CHST9: variants seen among roughly 807,000 people sequenced by gnomAD.
The protein encoded by CHST9 is carbohydrate sulfotransferase 9.
CHST9 carries 41 observed loss-of-function variants against 44.4 expected under a neutral mutation model. That is an observed-to-expected ratio of 0.92 (90% CI 0.72 to 1.20). CHST9 has a LOEUF of 1.20. Ranked by LOEUF, CHST9 falls within the 50% of genes most tolerant of loss-of-function variation. The probability of loss-of-function intolerance (pLI) is 0.00; values close to 1 mark genes in which losing one functional copy is unlikely to be tolerated. For missense variants in CHST9, 504 were observed against 516.5 expected (o/e 0.98, Z 0.23); for synonymous variants, 171 against 178.4 (o/e 0.96, Z 0.33).
At chr18:27,153,519 T>A (rs986393219) in intron 1 of CHST9, among the ~76,000 whole-genome samples, 3 of 148,158 alleles carry the variant, frequency 2.0e-5, no homozygotes, top group Admixed American at 6.9e-5. Context: ...TCTGTCTCTC[T>A]CTGTCTTTCT....
chr18:27,094,792 C>T (rs1366401368), intron 2 of CHST9, among the ~76,000 whole-genome samples: 2 of 152,138 alleles, frequency 1.3e-5, no homozygotes, highest in Non-Finnish European at 2.9e-5. Flanking sequence ...TGTGGCTCTG[C>T]GAGTTCAGGT....
intron 4 of CHST9, among the ~76,000 whole-genome samples, chr18:27,006,479 G>A (rs2145236217): frequency 6.6e-6 from 1 of 152,188 alleles, no homozygotes; most frequent in African/African-American, 2.4e-5. Context: ...TTATTATAAT[G>A]CTGTTTGGCC....
chr18:27,054,525 AC>A (rs769818957), intron 2 of CHST9, among the ~76,000 whole-genome samples: 4 of 152,166 alleles, frequency 2.6e-5, no homozygotes, highest in Non-Finnish European at 5.9e-5. Flanking sequence ...GCATCTCATG[AC>A]TATTTATCTA....
chr18:27,025,708 G>C (rs1228441325), intron 3 of CHST9, among the ~76,000 whole-genome samples: 2 of 152,058 alleles, frequency 1.3e-5, no homozygotes, highest in African/African-American at 4.8e-5. Context: ...ATCCCCAGGG[G>C]CTGGACCTGG....
At chr18:27,155,681 C>T (rs1237030671) in intron 1 of CHST9, among the ~76,000 whole-genome samples, 1 of 152,122 alleles carries the variant, frequency 6.6e-6, no homozygotes, top group Non-Finnish European at 1.5e-5. Flanking sequence ...TAAATATACA[C>T]AATTCCTTCA....
chr18:27,135,340 A>G (rs1210311313), intron 2 of CHST9, among the ~76,000 whole-genome samples: 2 of 152,110 alleles, frequency 1.3e-5, no homozygotes, highest in Non-Finnish European at 2.9e-5. Flanking sequence ...TACTGCAGTA[A>G]TATTTTCTGG....
At chr18:27,145,078 T>C (rs1022076477) in intron 1 of CHST9, among the ~76,000 whole-genome samples, 2 of 152,178 alleles carry the variant, frequency 1.3e-5, no homozygotes, top group South Asian at 2.1e-4. Context: ...ATTAAGTAAT[T>C]AGAATGATTT....
chr18:27,179,126 T>C (rs557123317), intron 1 of CHST9, among the ~76,000 whole-genome samples: 4 of 151,588 alleles, frequency 2.6e-5, no homozygotes, highest in Non-Finnish European at 5.9e-5. Flanking sequence ...ATATGAAAAC[T>C]TTCAGTGCTT....
intron 2 of CHST9, among the ~76,000 whole-genome samples, chr18:27,092,615 A>C (rs1359473156): frequency 6.6e-6 from 1 of 152,132 alleles, no homozygotes; most frequent in African/African-American, 2.4e-5. Flanking sequence ...ACACTGCTTT[A>C]AATGTGTCCC....
chr18:26,984,726 A>G (rs1306467061), intron 4 of CHST9, among the ~76,000 whole-genome samples: 1 of 149,374 alleles, frequency 6.7e-6, no homozygotes, highest in Admixed American at 6.6e-5. Context: ...GATTACCAAA[A>G]GACAAAAAAA....
At chr18:27,112,055 TATAC>T (rs1375540384) in intron 2 of CHST9, among the ~76,000 whole-genome samples, 4 of 150,294 alleles carry the variant, frequency 2.7e-5, no homozygotes, top group Non-Finnish European at 4.4e-5. Context: ...TTTCTAAAAA[TATAC>T]ATATAGATAT....
intron 2 of CHST9, among the ~76,000 whole-genome samples, chr18:27,086,605 G>A (rs1278762380): frequency 6.6e-6 from 1 of 152,176 alleles, no homozygotes; most frequent in East Asian, 1.9e-4. Flanking sequence ...TTAAGTAGCA[G>A]AACTAGGACT....
Position 27,135,734 on chromosome 18 carries a change from C to A in CHST9, c.121+6955G>T, listed in dbSNP as rs181958492. Among the ~76,000 whole-genome samples the A allele has an allele frequency of 2.2e-4, 33 of 152,298 alleles. No homozygotes were observed. In the East Asian group the frequency reaches 5.0e-3, roughly 23 times the overall value. ...AAAATCAACATGTCAGGGTGTGGACCAAGGCACGTGTTCCTTAAAACGTCT... is the reference window on the plus strand; with the variant it reads ...AAAATCAACATGTCAGGGTGTGGACAAAGGCACGTGTTCCTTAAAACGTCT... On this transcript the variant is annotated intron_variant, in intron 2 of 5. Transcript: ENST00000618847.
intron 5 of CHST9, chr18:26,935,504 T>A (rs1159810927): frequency 1.3e-5 from 2 of 152,230 alleles, no homozygotes; most frequent in African/African-American, 4.8e-5. Flanking sequence ...AAATCTATTT[T>A]GTTTATGGTC....
At chr18:27,106,415 T>C (rs995955837) in intron 2 of CHST9, among the ~76,000 whole-genome samples, 1 of 152,178 alleles carries the variant, frequency 6.6e-6, no homozygotes, top group East Asian at 1.9e-4. Context: ...ATTATTGGAG[T>C]TGGATAAATT....
intron 3 of CHST9, among the ~76,000 whole-genome samples, chr18:27,033,487 C>A (rs1339263322): frequency 1.3e-5 from 2 of 152,130 alleles, no homozygotes; most frequent in East Asian, 3.9e-4. Flanking sequence ...AGTTGCAGGT[C>A]CTGGCTGAAG....
chr18:26,984,045 C>G (rs1369783555), intron 4 of CHST9, among the ~76,000 whole-genome samples: 1 of 152,140 alleles, frequency 6.6e-6, no homozygotes, highest in Non-Finnish European at 1.5e-5. Flanking sequence ...ATAAAAGTGT[C>G]CTTTTTGCTG....
At chr18:26,917,389 CA>C in intron 5 of CHST9, 39 bp from the exon 6 acceptor site, 2 of 1,585,646 alleles carry the variant, frequency 1.3e-6, no homozygotes, top group Admixed American at 1.7e-5. Flanking sequence ...AAAGCACAGT[CA>C]CGAGTGTGGG....
chr18:27,099,002 C>T (rs2058144845), intron 2 of CHST9, among the ~76,000 whole-genome samples: 2 of 151,624 alleles, frequency 1.3e-5, no homozygotes, highest in African/African-American at 4.8e-5. Context: ...AAAACAGACA[C>T]ATAAAACAGA....
Sources: gnomAD v4.1 joint callset for allele counts (sites outside exome capture counted in the v4.1 genomes callset) on GRCh38, gnomAD v4.1.1 for gene constraint, MANE v1.5 for transcripts, NCBI Gene and HGNC (gene_info 2026-07-23, HGNC 2026-07-21) for gene names.